The following LIMD1 variants were observed in gnomAD, a reference collection of about 807,000 sequenced individuals.
LIMD1 encodes the protein LIM domain-containing protein 1.
A neutral mutation model predicts 58.4 loss-of-function variants in LIMD1; 23 were observed. The ratio of observed to expected loss-of-function variants is 0.39; its 90% CI spans 0.28 to 0.56. The LOEUF (loss-of-function observed/expected upper bound fraction) is 0.56. Among genes scored for constraint, LIMD1 ranks in the 20% least tolerant of loss-of-function variants. LIMD1 has a pLI of 0.57. For missense variants in LIMD1, 838 were observed against 855.5 expected, an observed-to-expected ratio of 0.98 and a Z score of 0.25; for synonymous variants, 334 against 345.5, an observed-to-expected ratio of 0.97 and a Z score of 0.37.
In LIMD1 at chr3:45,595,534, C is replaced by T; in HGVS notation, c.655C>T (p.Pro219Ser). 1 of 1,614,090 alleles carries T rather than the reference C, an allele frequency of 6.2e-7. No individual in the cohort carries two copies. Among genetic ancestry groups the T allele is most frequent in the South Asian group, 1.1e-5 (1 of 91,072 alleles). The change falls in exon 1 of 8, where the codon CCC (proline) becomes TCC (serine). Residue 219 changes from proline to serine, a missense_variant. Coordinates refer to ENST00000273317, the MANE Select transcript of LIMD1 (RefSeq NM_014240.3). ...PSSPGSDPPL[P>S]KPCGDHPLNH... ...CTCCCCGGGGAGTGACCCACCACTG[C>T]CCAAACCCTGCGGGGACCATCCCCT...
At chr3:45,655,865 A>G (rs1702022371) in intron 2 of LIMD1, among the ~76,000 whole-genome samples, 1 of 152,154 alleles carries the variant, frequency 6.6e-6, no homozygotes, top group East Asian at 1.9e-4. Flanking sequence ...TCTTCAAGGG[A>G]GCAGAAGGAA....
In LIMD1 at chr3:45,684,294, T is replaced by G. The variant is rs1484271832; in HGVS notation, c.*7235T>G. 1.3e-5 allele frequency: 2 copies of G among 152,228 alleles called. No individual in the cohort carries two copies. The highest frequency in any genetic ancestry group is 4.8e-5 in the African/African-American group (2 of 41,452). The allele number at this position is 152,228 out of a possible 1,614,324, so 9.4% of individuals were successfully genotyped here. ...CTCAAGGACAGGTGGTTCTGGGCCCTGTGTTGCCCATGAGACTTGGTCCAC... is the reference window on the plus strand; with the variant it reads ...CTCAAGGACAGGTGGTTCTGGGCCCGGTGTTGCCCATGAGACTTGGTCCAC... On this transcript the variant is annotated 3_prime_UTR_variant, in exon 8 of 8. Coordinates refer to ENST00000273317, the MANE Select transcript of LIMD1 (RefSeq NM_014240.3).
Position 45,595,737 on chromosome 3 carries a change from T to G in LIMD1, c.858T>G (p.Ala286=). Residue 286 remains alanine, a synonymous_variant, in exon 1 of 8, where the codon GCT becomes GCG. Coordinates refer to ENST00000273317, the MANE Select transcript of LIMD1 (RefSeq NM_014240.3). Reference sequence around the variant, plus strand: ...CAAACTTGGAGAACGGAGCACCAGCTGTGGGGCCTGTTCAGCCCAGGACCC... The same window carrying G: ...CAAACTTGGAGAACGGAGCACCAGCGGTGGGGCCTGTTCAGCCCAGGACCC... ...PSPNLENGAP[A]VGPVQPRTPS... is the part of the protein sequence containing the mutation. The G allele has an allele frequency of 6.2e-7, 1 of 1,614,100 alleles. No individual in the cohort carries two copies. The highest frequency in any genetic ancestry group is 1.6e-4 in the Middle Eastern group (1 of 6,062).
At chr3:45,632,523 A>C (rs913398514) in intron 1 of LIMD1, 1 of 985,388 alleles carries the variant, frequency 1.0e-6, no homozygotes, top group Non-Finnish European at 1.2e-6. Context: ...GGGAACAGAC[A>C]TGTGTGCCCA....
chr3:45,629,703 G>A (rs890070216), intron 1 of LIMD1, among the ~76,000 whole-genome samples: 1 of 152,198 alleles, frequency 6.6e-6, no homozygotes, highest in African/African-American at 2.4e-5. Context: ...GATACAAGCA[G>A]CTGGATGGCG....
chr3:45,616,457 G>T (rs13058760), intron 1 of LIMD1, among the ~76,000 whole-genome samples: 6,260 of 152,252 alleles, frequency 0.041, 161 homozygotes, highest in East Asian at 0.14. Flanking sequence ...TCCCTCCTGG[G>T]CTTGGAAAGA....
intron 2 of LIMD1, among the ~76,000 whole-genome samples, chr3:45,640,966 G>T (rs182425951): frequency 6.6e-6 from 1 of 152,182 alleles, no homozygotes; most frequent in Non-Finnish European, 1.5e-5. Flanking sequence ...GTGTCTCAGC[G>T]GCTTCTCTTA....
intron 1 of LIMD1, among the ~76,000 whole-genome samples, chr3:45,618,690 T>C (rs1220092309): frequency 4.6e-5 from 7 of 152,190 alleles, no homozygotes; most frequent in Non-Finnish European, 1.0e-4. Context: ...TCCTCACCGC[T>C]ACCCTGTGAG....
Position 45,676,989 on chromosome 3 carries a change from G to A in LIMD1, c.1961G>A (p.Cys654Tyr). Residue 654 changes from cysteine (C) to tyrosine (Y), a missense_variant, in exon 8 of 8, where the codon TGT becomes TAT. Cys to Tyr is a radical substitution (Grantham distance 194). This residue lies in a region of LIMD1 where 174 missense variants were observed against 197.4 expected (regional missense o/e 0.88). Transcript: ENST00000273317. ...RCYPLEDHLF[C>Y]HSCHVKRLEK... ...TATCCGCTGGAGGACCACCTGTTCTGTCACTCCTGCCACGTGAAGAGGCTG... is the reference window on the plus strand; with the variant it reads ...TATCCGCTGGAGGACCACCTGTTCTATCACTCCTGCCACGTGAAGAGGCTG... The A allele has an allele frequency of 6.2e-7, 1 of 1,614,122 alleles. No individual in the cohort carries two copies. The highest frequency in any genetic ancestry group is 8.5e-7 in the Non-Finnish European group (1 of 1,179,982).
rs190649807 is a variant in LIMD1, at chr3:45,596,404, T to A, written c.1408+117T>A. ...TAGTTACCTCTCTTTGAGTGGCCTG[T>A]TTTTTTATTTTTTTGTTTTGGGCTT... On this transcript the variant is annotated intron_variant, in intron 1 of 7. Transcript: ENST00000273317. 3.3e-4 allele frequency: 258 copies of A among 784,836 alleles called. 1 individual carries two copies. The African/African-American group carries it at 4.1e-3, about 12-fold the overall frequency. 48.6% of individuals were successfully genotyped at this position (784,836 alleles called of 1,614,324 possible). A position where few individuals can be genotyped will look rare whatever the true frequency, so the allele number is the denominator to read the frequency against.
chr3:45,653,907 C>CAAAAAAAAAAAAAAAAAGAAAAA (rs1701998128), intron 2 of LIMD1, among the ~76,000 whole-genome samples: 1 of 74,884 alleles, frequency 1.3e-5, no homozygotes, highest in Non-Finnish European at 2.5e-5. Context: ...AAGACTGTCT[C>CAAAAAAAAAAAAAAAAAGAAAAA]AAAAAAAAAA....
chr3:45,665,066 A>C (rs2125668580), intron 2 of LIMD1, among the ~76,000 whole-genome samples: 1 of 152,226 alleles, frequency 6.6e-6, no homozygotes, highest in South Asian at 2.1e-4. Flanking sequence ...CCATCCAAGG[A>C]ATCAGGGTGC....
rs1485172428 is a variant in LIMD1 at position 45,595,975 on chromosome 3, C to T, written c.1096C>T (p.Pro366Ser). Residue 366 changes from proline to serine, a missense_variant, in exon 1 of 8, where the codon CCT becomes TCT. Physicochemically the swap from Pro to Ser is moderately conservative, Grantham distance 74. Transcript: ENST00000273317. The part of the protein sequence containing the change: ...GLDGSQQGAV[P>S]GLGPKPGCTD... ...GGACGGTTCACAGCAGGGTGCGGTCCCTGGGCTGGGGCCGAAGCCTGGCTG... is the reference window on the plus strand; with the variant it reads ...GGACGGTTCACAGCAGGGTGCGGTCTCTGGGCTGGGGCCGAAGCCTGGCTG... The T allele has an allele frequency of 1.2e-6, 2 of 1,614,204 alleles. No homozygotes were observed. Among genetic ancestry groups the T allele is most frequent in the South Asian group, 1.1e-5 (1 of 91,090 alleles).
intron 1 of LIMD1, among the ~76,000 whole-genome samples, chr3:45,623,987 G>T (rs1384777770): frequency 6.6e-6 from 1 of 152,188 alleles, no homozygotes; most frequent in African/African-American, 2.4e-5. Flanking sequence ...AGCTTTTAGA[G>T]TGGCTGGGGG....
intron 1 of LIMD1, among the ~76,000 whole-genome samples, chr3:45,629,708 A>G (rs1701707220): frequency 2.0e-5 from 3 of 152,180 alleles, no homozygotes; most frequent in East Asian, 1.9e-4. Context: ...AAGCAGCTGG[A>G]TGGCGAGAGG....
intron 1 of LIMD1, among the ~76,000 whole-genome samples, chr3:45,621,752 G>T (rs1484190093): frequency 6.6e-6 from 1 of 151,940 alleles, no homozygotes; most frequent in Admixed American, 6.6e-5. Flanking sequence ...TCACATTACC[G>T]TAAATCCATC....
chr3:45,672,655 C>T (rs773548212), intron 4 of LIMD1, 35 bp from the exon 5 acceptor site: 16 of 1,610,724 alleles, frequency 9.9e-6, no homozygotes, highest in African/African-American at 1.3e-5. Context: ...TCATCCTTCC[C>T]TATAATCCCC....
intron 1 of LIMD1, among the ~76,000 whole-genome samples, chr3:45,600,980 C>T (rs1044228093): frequency 4.6e-5 from 7 of 152,204 alleles, no homozygotes; most frequent in African/African-American, 1.7e-4. Context: ...GGGAAGATTG[C>T]TTGAGCCCAG....
At chr3:45,626,826 T>C (rs1432115743) in intron 1 of LIMD1, among the ~76,000 whole-genome samples, 2 of 150,314 alleles carry the variant, frequency 1.3e-5, no homozygotes, top group Non-Finnish European at 3.0e-5. Flanking sequence ...TGTGCATGTG[T>C]GAGGAAGGGG....
Sources: allele counts gnomAD v4.1 joint callset (sites outside exome capture counted in the v4.1 genomes callset), GRCh38; gene constraint gnomAD v4.1.1; regional missense constraint gnomAD v4.1.1; transcripts MANE v1.5; gene names NCBI Gene and HGNC (gene_info 2026-07-23, HGNC 2026-07-21).